Variants in SENP3 observed in about 807,000 individuals in gnomAD.
SENP3 encodes SUMO specific peptidase 3.
In SENP3, 11 loss-of-function variants were observed where a neutral mutation model predicts 66.2. That is an observed-to-expected ratio of 0.17 (90% confidence interval 0.10 to 0.28). The LOEUF (loss-of-function observed/expected upper bound fraction) is 0.28. SENP3 is among the 10% of genes least tolerant of loss of function. The pLI, the probability that SENP3 is intolerant of heterozygous loss-of-function variation, is 1.00. For missense variants in SENP3, 548 were observed against 743.7 expected (o/e 0.74, Z 3.06); for synonymous variants, 292 against 277.6 (o/e 1.05, Z -0.52).
intron 6 of SENP3, 83 bp from the exon 7 acceptor site, chr17:7,566,844 G>A (rs1301293087): frequency 2.0e-6 from 2 of 982,170 alleles, no homozygotes; most frequent in East Asian, 2.6e-5. Context: ...TGTTTTTACT[G>A]TCAGTGGACT....
In SENP3 at chr17:7,563,645, G is replaced by C. The variant is rs778849909; in HGVS notation, c.569G>C (p.Arg190Pro). Residue 190 changes from arginine to proline, a missense_variant, in exon 2 of 11, where the codon CGG becomes CCG. Physicochemically the swap from Arg to Pro is moderately radical, Grantham distance 103. Around this residue, in one of 6 missense-constraint regions of SENP3, gnomAD observed 215 missense variants for 230.7 expected, o/e 0.93. Coordinates refer to ENST00000321337, the MANE Select transcript of SENP3 (RefSeq NM_015670.6). ...PSPCCRFDSPRGPPPPRLGLL... is the reference protein window; with the variant it reads ...PSPCCRFDSPPGPPPPRLGLL... Reference sequence around the variant, plus strand: ...CCCTGTTGTCGTTTTGACTCCCCCCGGGGGCCACCTCCACCCCGGCTGGGT... The same window carrying C: ...CCCTGTTGTCGTTTTGACTCCCCCCCGGGGCCACCTCCACCCCGGCTGGGT... The C allele has an allele frequency of 3.1e-6, 5 of 1,607,558 alleles. No individual in the cohort carries two copies. In the African/African-American group the frequency reaches 6.7e-5, roughly 22 times the overall value.
Position 7,563,224 on chromosome 17 carries a change from C to A in SENP3, c.148C>A (p.Pro50Thr). Residue 50 changes from proline (P) to threonine (T), a missense_variant, in exon 2 of 11, where the codon CCA (proline) becomes ACA (threonine). Transcript: ENST00000321337. ...PRLKSGGGFG[P>T]DPGSGTTVPA... is the part of the protein sequence containing the mutation. ...ACTCAAGTCAGGTGGAGGGTTTGGG[C>A]CAGATCCTGGGTCAGGGACCACAGT... The A allele has an allele frequency of 6.4e-7, 1 of 1,571,172 alleles. No homozygotes were observed. Among genetic ancestry groups the A allele is most frequent in the Non-Finnish European group, 8.6e-7 (1 of 1,158,102 alleles).
intron 7 of SENP3, among the ~76,000 whole-genome samples, chr17:7,569,597 A>G (rs1258997836): frequency 6.6e-6 from 1 of 152,076 alleles, no homozygotes; most frequent in Non-Finnish European, 1.5e-5. Context: ...AGGCAGGATG[A>G]TTGGCTCCGG....
chr17:7,571,886 TATATATATATATATATATATATAA>T lies in SENP3; in HGVS notation c.*405_*428del, dbSNP rs1597844163. The T allele has an allele frequency of 2.9e-3, 32 of 10,960 alleles. 1 individual carries two copies. Among genetic ancestry groups the T allele is most frequent in the Non-Finnish European group, 5.2e-3 (24 of 4,656 alleles). 0.7% of individuals were successfully genotyped at this position (10,960 alleles called of 1,614,324 possible). A position where few individuals can be genotyped will look rare whatever the true frequency, so the allele number is the denominator to read the frequency against. On this transcript the variant is annotated 3_prime_UTR_variant, in exon 11 of 11. Coordinates refer to ENST00000321337, the MANE Select transcript of SENP3 (RefSeq NM_015670.6). Reference sequence around the variant, plus strand: ...ATATATATATATATATATATATATATATATATATATATATATATATATAAAAATATATAAATGCCACGGTCCTGC... The same window carrying T: ...ATATATATATATATATATATATATATAAATATATAAATGCCACGGTCCTGC...
At position 7,563,225 on chromosome 17, in the gene SENP3, C is replaced by G; in HGVS notation, c.149C>G (p.Pro50Arg). The change falls in exon 2 of 11, where the codon CCA becomes CGA. Residue 50 changes from proline (P) to arginine (R), a missense_variant. Pro to Arg is a moderately radical substitution (Grantham distance 103). Coordinates refer to ENST00000321337, the MANE Select transcript of SENP3 (RefSeq NM_015670.6). ...CTCAAGTCAGGTGGAGGGTTTGGGC[C>G]AGATCCTGGGTCAGGGACCACAGTG... ...PRLKSGGGFGPDPGSGTTVPA... is the reference protein window; with the variant it reads ...PRLKSGGGFGRDPGSGTTVPA... 6.4e-7 allele frequency: 1 copy of G among 1,570,870 alleles called. No homozygotes were observed. The highest frequency in any genetic ancestry group is 1.2e-5 in the South Asian group (1 of 85,896).
At position 7,571,428 on chromosome 17, in the gene SENP3, C is replaced by CT; in HGVS notation, c.1670_1671insT (p.Lys558GlnfsTer28). 6.2e-7 allele frequency: 1 copy of CT among 1,608,376 alleles called. No individual in the cohort carries two copies. The highest frequency in any genetic ancestry group is 8.5e-7 in the Non-Finnish European group (1 of 1,177,200). ...TTCAGCTTCACCCAGCAGGACATGCCCAAACTTCGTCGGCAGATCTACAAG... is the reference window on the plus strand; with the variant it reads ...TTCAGCTTCACCCAGCAGGACATGCCTCAAACTTCGTCGGCAGATCTACAAG... On this transcript the variant is annotated frameshift_variant, in exon 11 of 11. Coordinates refer to ENST00000321337, the MANE Select transcript of SENP3 (RefSeq NM_015670.6). LOFTEE classifies it high-confidence loss of function.
chr17:7,563,404 C>CGGCGG lies in SENP3; in HGVS notation c.331_332insGGGGC (p.Pro111ArgfsTer22). 1 of 1,550,214 alleles carries CGGCGG rather than the reference C, an allele frequency of 6.5e-7. No homozygotes were observed. Among genetic ancestry groups the CGGCGG allele is most frequent in the Non-Finnish European group, 8.7e-7 (1 of 1,146,392 alleles). ...ATGGAGTCAGCTGGGAACCTCCCAGCGGCCCCGCCCTTCCCGCCCCACTCA... is the reference window on the plus strand; with the variant it reads ...ATGGAGTCAGCTGGGAACCTCCCAGCGGCGGGGCCCCGCCCTTCCCGCCCCACTCA... On this transcript the variant is annotated frameshift_variant, in exon 2 of 11. Coordinates refer to ENST00000321337, the MANE Select transcript of SENP3 (RefSeq NM_015670.6). LOFTEE classifies it high-confidence loss of function.
Position 7,570,664 on chromosome 17 carries a change from T to C in SENP3, c.1480-17T>C, listed in dbSNP as rs2150921580. 1.2e-6 allele frequency: 2 copies of C among 1,609,792 alleles called. No homozygotes were observed. Among genetic ancestry groups the C allele is most frequent in the East Asian group, 2.2e-5 (1 of 44,804 alleles). ...GAGAAACTTAGGGCATCACTTTCTT[T>C]TCCCCCATCCACATAGCATATTGCC... On this transcript the variant is annotated splice_polypyrimidine_tract_variant and intron_variant, in intron 8 of 10. Transcript: ENST00000321337. This position sits in a 1 kb window ranked among gnomAD's most constrained non-coding sequence, Gnocchi z 5.4.
chr17:7,568,919 T>C (rs953376135), intron 7 of SENP3, among the ~76,000 whole-genome samples: 1 of 152,116 alleles, frequency 6.6e-6, no homozygotes, highest in Non-Finnish European at 1.5e-5. Flanking sequence ...GCCCTAAACC[T>C]GTGACACATT....
chr17:7,566,731 C>T (rs1033770491), intron 6 of SENP3, among the ~76,000 whole-genome samples, 196 bp from the exon 7 acceptor site: 5 of 151,184 alleles, frequency 3.3e-5, no homozygotes, highest in African/African-American at 1.2e-4. Flanking sequence ...TCTGGAAGGC[C>T]GAGGCAGGCA....
rs961617626 is a variant in SENP3 at position 7,563,737 on chromosome 17, A to G, written c.661A>G (p.Met221Val). 1.3e-6 allele frequency: 2 copies of G among 1,508,170 alleles called. No homozygotes were observed. The highest frequency in any genetic ancestry group is 9.0e-7 in the Non-Finnish European group (1 of 1,113,878). 93.4% of individuals were successfully genotyped at this position (1,508,170 alleles called of 1,614,324 possible). ...TCCACCAGTGCCCTCTGGGCCCCCCATGGAGGAAGATGGACTCAGGTGGAC... is the reference window on the plus strand; with the variant it reads ...TCCACCAGTGCCCTCTGGGCCCCCCGTGGAGGAAGATGGACTCAGGTGGAC... The part of the protein sequence containing the change: ...GSPPVPSGPP[M>V]EEDGLRWTPK... The change falls in exon 2 of 11, where the codon ATG (methionine) becomes GTG (valine). Residue 221 changes from methionine (M) to valine (V), a missense_variant. By Grantham distance (21) the Met-to-Val change is conservative. Coordinates refer to ENST00000321337, the MANE Select transcript of SENP3 (RefSeq NM_015670.6).
At chr17:7,566,580 C>T (rs1444563000) in intron 6 of SENP3, among the ~76,000 whole-genome samples, 2 of 145,502 alleles carry the variant, frequency 1.4e-5, no homozygotes, top group African/African-American at 2.5e-5. Flanking sequence ...GCGGGAGAAT[C>T]GCTTGAACCC....
At position 7,570,746 on chromosome 17, in the gene SENP3, G is replaced by T. The variant is rs1205653283; in HGVS notation, c.1545G>T (p.Trp515Cys). 1 of 1,612,024 alleles carries T rather than the reference G, an allele frequency of 6.2e-7. No individual in the cohort carries two copies. Residue 515 changes from tryptophan to cysteine, a missense_variant, in exon 9 of 11, where the codon TGG becomes TGT. Around this residue, in one of 6 missense-constraint regions of SENP3, gnomAD observed 81 missense variants for 139.8 expected, o/e 0.58. Coordinates refer to ENST00000321337, the MANE Select transcript of SENP3 (RefSeq NM_015670.6). This position sits in a 1 kb window ranked among gnomAD's most constrained non-coding sequence, Gnocchi z 5.4. ...ACCGACTGGATTTCCACCAGGGCTGGAAAGGTTACTTCAAAATGGTGAGTT... is the reference window on the plus strand; with the variant it reads ...ACCGACTGGATTTCCACCAGGGCTGTAAAGGTTACTTCAAAATGGTGAGTT... ...KKDRLDFHQG[W>C]KGYFKMNVAR...
chr17:7,564,362 G>GT (rs763300314), intron 2 of SENP3: 119 of 623,344 alleles, frequency 1.9e-4, no homozygotes, highest in Non-Finnish European at 3.0e-4. Context: ...ATATCCCGAA[G>GT]TTTTCATTTC....
At position 7,570,262 on chromosome 17, in the gene SENP3, T is replaced by C; in HGVS notation, c.1342-94T>C. On this transcript the variant is annotated intron_variant, in intron 7 of 10. Transcript: ENST00000321337. The surrounding 1 kb of genome is among the most constrained non-coding windows in gnomAD (Gnocchi z 5.4). The stretch of plus-strand genomic sequence containing the variant: ...TGGGTCTTCTGTTCTTTCACTTGGT[T>C]CCCTTACCTGTGTCTCTGTTCCTCT... The C allele has an allele frequency of 6.8e-7, 1 of 1,464,254 alleles. No homozygotes were observed. Among genetic ancestry groups the C allele is most frequent in the Non-Finnish European group, 9.3e-7 (1 of 1,074,268 alleles). 90.7% of individuals were successfully genotyped at this position (1,464,254 alleles called of 1,614,324 possible).
In SENP3 at chr17:7,563,723, C is replaced by T. The variant is rs1820295457; in HGVS notation, c.647C>T (p.Pro216Leu). ...EDGVRGSPPV[P>L]SGPPMEEDGL... ...GGGGTGAGAGGGTCTCCACCAGTGCCCTCTGGGCCCCCCATGGAGGAAGAT... is the reference window on the plus strand; with the variant it reads ...GGGGTGAGAGGGTCTCCACCAGTGCTCTCTGGGCCCCCCATGGAGGAAGAT... Residue 216 changes from proline (P) to leucine (L), a missense_variant, in exon 2 of 11, where the codon CCC becomes CTC. Pro to Leu is a moderately conservative substitution (Grantham distance 98). Transcript: ENST00000321337. 1 of 1,612,986 alleles carries T rather than the reference C, an allele frequency of 6.2e-7. No homozygotes were observed. Among genetic ancestry groups the T allele is most frequent in the Non-Finnish European group, 8.5e-7 (1 of 1,179,848 alleles).
chr17:7,570,592 T>C lies in SENP3; in HGVS notation c.1480-89T>C, dbSNP rs1412597807. 6.4e-7 allele frequency: 1 copy of C among 1,566,518 alleles called. No individual in the cohort carries two copies. The highest frequency in any genetic ancestry group is 8.7e-7 in the Non-Finnish European group (1 of 1,151,152). On this transcript the variant is annotated intron_variant, in intron 8 of 10. Transcript: ENST00000321337. This position sits in a 1 kb window ranked among gnomAD's most constrained non-coding sequence, Gnocchi z 5.4. ...GGCTTTGGGTCTTTGAGGGGCGACC[T>C]GGGCATGGTGTCTGCCAGCACTGTA...
chr17:7,569,336 G>A (rs1472257919), intron 7 of SENP3, among the ~76,000 whole-genome samples: 1 of 137,724 alleles, frequency 7.3e-6, no homozygotes, highest in Non-Finnish European at 1.5e-5. Context: ...AGTGAGGCAA[G>A]ATCACGCCAC....
At chr17:7,566,026 C>G in intron 6 of SENP3, 1 of 353,542 alleles carries the variant, frequency 2.8e-6, no homozygotes, top group Non-Finnish European at 5.1e-6. Context: ...TATTGTAAAA[C>G]AAGATTTAAA....
Sources: gnomAD v4.1 joint callset for allele counts (sites outside exome capture counted in the v4.1 genomes callset) on GRCh38, gnomAD v4.1.1 for gene constraint, gnomAD v4.1.1 regional missense constraint, Gnocchi (gnomAD v3.1) non-coding constraint, MANE v1.5 for transcripts, NCBI Gene and HGNC (gene_info 2026-07-23, HGNC 2026-07-21) for gene names.